LAMA2: variants seen among roughly 807,000 people sequenced by gnomAD.
LAMA2 encodes laminin subunit alpha-2.
A neutral mutation model predicts 364.8 loss-of-function variants in LAMA2; 269 were observed. The ratio of observed to expected loss-of-function variants is 0.74; its 90% confidence interval spans 0.67 to 0.82. The LOEUF (loss-of-function observed/expected upper bound fraction) is 0.82, where lower values mean the gene tolerates loss of function less well. LAMA2 is among the 40% of genes least tolerant of loss of function. The pLI, the probability that LAMA2 is intolerant of heterozygous loss-of-function variation, is 0.00. For missense variants in LAMA2, 3,807 were observed against 3,873.2 expected, an observed-to-expected ratio of 0.98 and a Z score of 0.45; for synonymous variants, 1,379 against 1,370.6, an observed-to-expected ratio of 1.01 and a Z score of -0.14.
At chr6:129,016,667 G>C (rs1038622989) in intron 1 of LAMA2, among the ~76,000 whole-genome samples, 2 of 151,828 alleles carry the variant, frequency 1.3e-5, no homozygotes, top group Non-Finnish European at 2.9e-5. Context: ...CAGGATACTA[G>C]TTATCTTTGG....
chr6:129,414,517 G>A (rs950566729), intron 40 of LAMA2, among the ~76,000 whole-genome samples: 3 of 152,124 alleles, frequency 2.0e-5, no homozygotes, highest in African/African-American at 7.2e-5. Flanking sequence ...GAATAGAGGT[G>A]TCTGTATTAA....
At chr6:129,500,025 G>C (rs1785505827) in intron 58 of LAMA2, among the ~76,000 whole-genome samples, 1 of 151,992 alleles carries the variant, frequency 6.6e-6, no homozygotes, top group African/African-American at 2.4e-5. Context: ...CAAATGCTGG[G>C]ATTAAAAACA....
chr6:128,884,704 G>A (rs1776050075), intron 1 of LAMA2, among the ~76,000 whole-genome samples: 1 of 152,086 alleles, frequency 6.6e-6, no homozygotes, highest in African/African-American at 2.4e-5. Flanking sequence ...TAATTTACGA[G>A]AGTGATTTTA....
chr6:129,125,190 A>G (rs1412600696), intron 4 of LAMA2, among the ~76,000 whole-genome samples: 1 of 152,202 alleles, frequency 6.6e-6, no homozygotes, highest in Non-Finnish European at 1.5e-5. Flanking sequence ...TTGCTTTGAA[A>G]TGAGTTGGGG....
intron 62 of LAMA2, among the ~76,000 whole-genome samples, chr6:129,510,284 A>G (rs1361283392): frequency 6.6e-6 from 1 of 152,228 alleles, no homozygotes; most frequent in Admixed American, 6.5e-5. Context: ...AAGTCAACAT[A>G]CAAAAATCAG....
At chr6:129,274,795 T>G (rs943539534) in intron 17 of LAMA2, among the ~76,000 whole-genome samples, 1 of 152,048 alleles carries the variant, frequency 6.6e-6, no homozygotes, top group East Asian at 1.9e-4. Context: ...AATAACAATG[T>G]AACTATTTCG....
intron 12 of LAMA2, among the ~76,000 whole-genome samples, chr6:129,217,455 C>T (rs1311305803): frequency 6.6e-6 from 1 of 152,132 alleles, no homozygotes; most frequent in Non-Finnish European, 1.5e-5. Context: ...CCCTTCAACT[C>T]AGAGAAATCA....
rs1405747429 is a variant in LAMA2 at position 129,143,908 on chromosome 6, T to A, written c.647T>A (p.Ile216Asn). The A allele has an allele frequency of 6.3e-7, 1 of 1,597,212 alleles. No homozygotes were observed. Among genetic ancestry groups the A allele is most frequent in the South Asian group, 1.1e-5 (1 of 90,686 alleles). The change falls in exon 5 of 65, where the codon ATC becomes AAC. Residue 216 changes from isoleucine (I) to asparagine (N), a missense_variant. By Grantham distance (149) the Ile-to-Asn change is moderately radical. Coordinates refer to ENST00000421865, the MANE Select transcript of LAMA2 (RefSeq NM_000426.4). ...IHPLENGEIH[I>N]SLINGRPSAD... is the part of the protein sequence containing the mutation. ...ATTTTTCATATTGTGTAGATTCACA[T>A]CTCTTTAATCAATGGGAGACCAAGT...
intron 4 of LAMA2, among the ~76,000 whole-genome samples, chr6:129,133,627 T>C (rs140517272): frequency 6.6e-6 from 1 of 152,286 alleles, no homozygotes; most frequent in African/African-American, 2.4e-5. Flanking sequence ...GCCAATGGAA[T>C]GCTCAGTCTT....
rs1271648656 is a variant in LAMA2 at position 129,019,660 on chromosome 6, CCT to C, written c.113-30257_113-30256del. ...AGCATTTGTCCTCCAGATTTTTTCCCCTGTTTAATGTTGATTCTTCTTTTCCA... is the reference window on the plus strand; with the variant it reads ...AGCATTTGTCCTCCAGATTTTTTCCCGTTTAATGTTGATTCTTCTTTTCCA... On this transcript the variant is annotated intron_variant, in intron 1 of 64. Transcript: ENST00000421865. Among the ~76,000 whole-genome samples, 15 of 151,976 alleles carry C rather than the reference CCT, an allele frequency of 9.9e-5. No individual in the cohort carries two copies. In the South Asian group the frequency reaches 1.7e-3, roughly 17 times the overall value.
intron 1 of LAMA2, among the ~76,000 whole-genome samples, chr6:128,963,216 C>T (rs1333462017): frequency 6.6e-6 from 1 of 152,020 alleles, no homozygotes; most frequent in Non-Finnish European, 1.5e-5. Flanking sequence ...TTTTACCTTT[C>T]TTCCCTTATT....
chr6:129,338,569 T>C (rs1423837986), intron 29 of LAMA2, among the ~76,000 whole-genome samples: 1 of 152,180 alleles, frequency 6.6e-6, no homozygotes, highest in Non-Finnish European at 1.5e-5. Context: ...TGCTAACCAC[T>C]TTTCTGCAAT....
At chr6:129,437,312 A>G (rs1207916631) in intron 41 of LAMA2, among the ~76,000 whole-genome samples, 5 of 152,130 alleles carry the variant, frequency 3.3e-5, no homozygotes, top group African/African-American at 9.6e-5. Context: ...ATACATCATC[A>G]TATACATCAT....
chr6:129,226,425 A>C (rs1050823311), intron 12 of LAMA2, among the ~76,000 whole-genome samples: 1 of 152,124 alleles, frequency 6.6e-6, no homozygotes, highest in South Asian at 2.1e-4. Context: ...TCTTCCTAGC[A>C]TCGATGGTCT....
intron 20 of LAMA2, chr6:129,292,698 A>G: frequency 2.0e-6 from 1 of 507,326 alleles, no homozygotes; most frequent in East Asian, 1.5e-4. Context: ...CCGATGTCAA[A>G]CTGGCCTTAC....
intron 1 of LAMA2, among the ~76,000 whole-genome samples, chr6:128,969,478 C>T (rs1782055151): frequency 6.6e-6 from 1 of 152,054 alleles, no homozygotes; most frequent in South Asian, 2.1e-4. Context: ...GTTGCCCAGG[C>T]TGGAGTGTAG....
chr6:129,384,894 C>A (rs1035929074), intron 35 of LAMA2, among the ~76,000 whole-genome samples: 5 of 151,800 alleles, frequency 3.3e-5, no homozygotes, highest in Middle Eastern at 3.4e-3. Context: ...AATAAGAACA[C>A]CACTCACTTT....
intron 4 of LAMA2, among the ~76,000 whole-genome samples, chr6:129,118,697 T>G (rs188418166): frequency 9.1e-4 from 138 of 152,358 alleles, no homozygotes; most frequent in African/African-American, 3.0e-3. Flanking sequence ...AATACAACTT[T>G]AATAGACTGG....
intron 7 of LAMA2, among the ~76,000 whole-genome samples, chr6:129,149,370 A>G (rs1041936818): frequency 3.3e-5 from 5 of 152,160 alleles, no homozygotes; most frequent in Admixed American, 3.3e-4. Context: ...TCTCAACCCA[A>G]GAAAAGACCT....
Sources: gnomAD v4.1 joint callset for allele counts (sites outside exome capture counted in the v4.1 genomes callset) on GRCh38, gnomAD v4.1.1 for gene constraint, MANE v1.5 for transcripts, NCBI Gene and HGNC (gene_info 2026-07-23, HGNC 2026-07-21) for gene names.